The following EXOC6B variants were observed in gnomAD, a reference collection of about 807,000 sequenced individuals.
EXOC6B encodes SEC15 homolog B.
In EXOC6B, 54 loss-of-function variants were observed where a neutral mutation model predicts 113.5. That is an observed-to-expected ratio of 0.48 (90% CI 0.38 to 0.60). The LOEUF (loss-of-function observed/expected upper bound fraction) is 0.60, where lower values mean the gene tolerates loss of function less well. Ranked by LOEUF, EXOC6B falls within the 20% of genes least tolerant of loss-of-function variation. EXOC6B has a pLI of 0.00. For missense variants in EXOC6B, 797 were observed against 977.5 expected (o/e 0.82, Z 2.46); for synonymous variants, 357 against 339.0 (o/e 1.05, Z -0.58).
intron 6 of EXOC6B, among the ~76,000 whole-genome samples, chr2:72,640,121 G>T (rs1174882402): frequency 6.6e-6 from 1 of 152,050 alleles, no homozygotes; most frequent in Non-Finnish European, 1.5e-5. Context: ...AAAAATCATG[G>T]AAAAAAGAAT....
intron 20 of EXOC6B, among the ~76,000 whole-genome samples, chr2:72,275,436 A>G (rs1472486377): frequency 6.6e-6 from 1 of 152,140 alleles, no homozygotes; most frequent in Non-Finnish European, 1.5e-5. Flanking sequence ...CCAAATTGCA[A>G]TAATCTTCTA....
chr2:72,764,146 G>A (rs1332679250), intron 1 of EXOC6B, among the ~76,000 whole-genome samples: 1 of 151,870 alleles, frequency 6.6e-6, no homozygotes, highest in Non-Finnish European at 1.5e-5. Flanking sequence ...TTTAGATATT[G>A]TCTATTTCCT....
intron 6 of EXOC6B, among the ~76,000 whole-genome samples, chr2:72,643,141 A>G (rs1673394296): frequency 6.6e-6 from 1 of 151,860 alleles, no homozygotes; most frequent in African/African-American, 2.4e-5. Context: ...GTGGAGAAAT[A>G]GGAACACTTT....
chr2:72,764,253 T>C (rs1682924808), intron 1 of EXOC6B, among the ~76,000 whole-genome samples: 1 of 151,968 alleles, frequency 6.6e-6, no homozygotes, highest in South Asian at 2.1e-4. Context: ...TAAAGATTGC[T>C]TTTGTAATAT....
rs138596233 is a variant in EXOC6B, at chr2:72,677,147, C to A, written c.669+40956G>T. ...TAAGATTCAGCCATACAGCCCAAAT[C>A]TCTAATCTGATTCTCAGCTAGCGTA... is the stretch of plus-strand genomic sequence containing the variant. On this transcript the variant is annotated intron_variant, in intron 6 of 21. Transcript: ENST00000272427. Among the ~76,000 whole-genome samples, 1,223 of 152,230 alleles carry A rather than the reference C, an allele frequency of 8.0e-3. 28 individuals carry two copies. The highest frequency in any genetic ancestry group is 0.029 in the African/African-American group (1,186 of 41,538).
intron 7 of EXOC6B, among the ~76,000 whole-genome samples, chr2:72,569,019 T>C (rs1408593437): frequency 6.6e-6 from 1 of 151,282 alleles, no homozygotes; most frequent in Non-Finnish European, 1.5e-5. Flanking sequence ...TCTTTACCAA[T>C]GGATAGACCT....
intron 8 of EXOC6B, among the ~76,000 whole-genome samples, chr2:72,555,119 T>G (rs1175098995): frequency 1.3e-5 from 2 of 152,222 alleles, no homozygotes; most frequent in East Asian, 3.8e-4. Flanking sequence ...TATTCCATGG[T>G]GTATATGTGC....
Position 72,514,654 on chromosome 2 carries a change from C to T in EXOC6B, c.1026G>A (p.Lys342=). The T allele has an allele frequency of 1.5e-6, 2 of 1,363,124 alleles. No individual in the cohort carries two copies. Among genetic ancestry groups the T allele is most frequent in the Non-Finnish European group, 2.0e-6 (2 of 1,010,734 alleles). The allele number at this position is 1,363,124 out of a possible 1,614,324, so 84.4% of individuals were successfully genotyped here. A position where few individuals can be genotyped will look rare whatever the true frequency, so the allele number is the denominator to read the frequency against. The change falls in exon 10 of 22, where the codon AAG becomes AAA. Residue 342 remains lysine (K), a synonymous_variant. Transcript: ENST00000272427. ...NMHETLDGYR[K]YFNQIVGFFV... Reference sequence around the variant, plus strand: ...CCTACCCTACAATTTGATTAAAATACTTCCTGTAGCCATCTAAAGTTTCAT... The same window carrying T: ...CCTACCCTACAATTTGATTAAAATATTTCCTGTAGCCATCTAAAGTTTCAT...
At chr2:72,747,509 C>T (rs1158181204) in intron 1 of EXOC6B, among the ~76,000 whole-genome samples, 1 of 152,006 alleles carries the variant, frequency 6.6e-6, no homozygotes, top group Non-Finnish European at 1.5e-5. Flanking sequence ...GATAGTGATG[C>T]AATCCTGAAA....
intron 20 of EXOC6B, among the ~76,000 whole-genome samples, chr2:72,217,706 G>C (rs1457040954): frequency 6.6e-6 from 1 of 152,176 alleles, no homozygotes; most frequent in South Asian, 2.1e-4. Flanking sequence ...CATGAATATG[G>C]ATGACTGAGG....
At chr2:72,722,287 A>G (rs1322111836) in intron 5 of EXOC6B, among the ~76,000 whole-genome samples, 2 of 152,064 alleles carry the variant, frequency 1.3e-5, no homozygotes, top group African/African-American at 2.4e-5. Flanking sequence ...CATGTTTCCC[A>G]TGATATATTT....
chr2:72,560,538 T>C (rs1314481913), intron 7 of EXOC6B, among the ~76,000 whole-genome samples: 1 of 152,082 alleles, frequency 6.6e-6, no homozygotes, highest in African/African-American at 2.4e-5. Flanking sequence ...TTTCTTCTTT[T>C]GGGGCATAGC....
chr2:72,598,238 C>T (rs1286410192), intron 6 of EXOC6B, among the ~76,000 whole-genome samples: 1 of 151,770 alleles, frequency 6.6e-6, no homozygotes, highest in East Asian at 1.9e-4. Flanking sequence ...CCACTCAGAC[C>T]ACAACAGAAT....
At chr2:72,696,684 C>T (rs1677907797) in intron 6 of EXOC6B, among the ~76,000 whole-genome samples, 1 of 152,152 alleles carries the variant, frequency 6.6e-6, no homozygotes, top group South Asian at 2.1e-4. Context: ...GAATAAGACA[C>T]CATGTGGAGA....
intron 20 of EXOC6B, among the ~76,000 whole-genome samples, chr2:72,216,110 C>T (rs1680516089): frequency 6.6e-6 from 1 of 151,800 alleles, no homozygotes; most frequent in South Asian, 2.1e-4. Flanking sequence ...AAAATATGAA[C>T]ACTTCTACCC....
chr2:72,579,999 T>A (rs1041347809), intron 6 of EXOC6B, among the ~76,000 whole-genome samples: 1 of 151,796 alleles, frequency 6.6e-6, no homozygotes, highest in Admixed American at 6.6e-5. Flanking sequence ...TAATCAAACC[T>A]ACCTCAAAGC....
At chr2:72,517,407 T>C (rs572920567) in intron 8 of EXOC6B, among the ~76,000 whole-genome samples, 7 of 152,218 alleles carry the variant, frequency 4.6e-5, no homozygotes, top group African/African-American at 1.7e-4. Context: ...AAAACAACAG[T>C]TTTAAAGTTC....
intron 20 of EXOC6B, among the ~76,000 whole-genome samples, chr2:72,201,677 T>C (rs1679505122): frequency 6.6e-6 from 1 of 152,238 alleles, no homozygotes; most frequent in Non-Finnish European, 1.5e-5. Context: ...CTTCTCTGAA[T>C]TGTAATGTTA....
intron 6 of EXOC6B, among the ~76,000 whole-genome samples, chr2:72,645,584 A>C (rs1424371603): frequency 6.6e-6 from 1 of 152,200 alleles, no homozygotes; most frequent in Non-Finnish European, 1.5e-5. Context: ...AATCACAAAA[A>C]AACTGTCTTT....
Sources: gnomAD v4.1 joint callset for allele counts (sites outside exome capture counted in the v4.1 genomes callset) on GRCh38, gnomAD v4.1.1 for gene constraint, MANE v1.5 for transcripts, NCBI Gene and HGNC (gene_info 2026-07-23, HGNC 2026-07-21) for gene names.